The following ASCL5 variants were observed in gnomAD, a reference collection of about 807,000 sequenced individuals.
ASCL5 encodes achaete-scute family bHLH transcription factor 5, also known as achaete-scute homolog 5.
For synonymous variants in ASCL5, 124 were observed against 131.5 expected (o/e 0.94, Z 0.39); for missense variants, 262 against 268.9 (o/e 0.97, Z 0.18).
At position 201,115,319 on chromosome 1, in the gene ASCL5, G is replaced by T; in HGVS notation, c.54C>A (p.Pro18=). ...GCATGACGCCCAGCTGCATGCAGCTGGGGGGCCCCAGAGGCCTCCGGTCCA... is the reference window on the plus strand; with the variant it reads ...GCATGACGCCCAGCTGCATGCAGCTTGGGGGCCCCAGAGGCCTCCGGTCCA... ...ALVDRRPLGP[P]SCMQLGVMPP... is the part of the protein sequence containing the mutation. Residue 18 remains proline (P), a synonymous_variant, in exon 2 of 2, where the codon CCC becomes CCA. Transcript: ENST00000449188. 8.1e-7 allele frequency: 1 copy of T among 1,230,792 alleles called. No homozygotes were observed. The highest frequency in any genetic ancestry group is 1.0e-6 in the Non-Finnish European group (1 of 987,188). The allele number at this position is 1,230,792 out of a possible 1,614,324, so 76.2% of individuals were successfully genotyped here.
rs112065024 is a variant in ASCL5, at chr1:201,122,585, T to C, written c.-506+4499A>G. On this transcript the variant is annotated intron_variant, in intron 1 of 1. Transcript: ENST00000449188. ...ACACAGCCGATTGAATTTACCAGGGTCTCATTGGGTTGATATGAGGACTTT... is the reference window on the plus strand; with the variant it reads ...ACACAGCCGATTGAATTTACCAGGGCCTCATTGGGTTGATATGAGGACTTT... Among the ~76,000 whole-genome samples, 283 of 152,162 alleles carry C rather than the reference T, an allele frequency of 1.9e-3. 1 individual carries two copies. The highest frequency in any genetic ancestry group is 6.6e-3 in the African/African-American group (275 of 41,500).
In ASCL5 at chr1:201,115,285, G is replaced by A. The variant is rs1663316096; in HGVS notation, c.88C>T (p.Arg30Trp). Residue 30 changes from arginine to tryptophan, a missense_variant, in exon 2 of 2, where the codon CGG (arginine) becomes TGG (tryptophan). Coordinates refer to ENST00000449188, the MANE Select transcript of ASCL5 (RefSeq NM_001270601.2). ...TCGGCGGGGGGCAGGGGCGCCTGCC[G>A]GGGAGGGGGCATGACGCCCAGCTGC... The part of the protein sequence containing the change: ...CMQLGVMPPP[R>W]QAPLPPAEPL... 1 of 1,230,762 alleles carries A rather than the reference G, an allele frequency of 8.1e-7. No individual in the cohort carries two copies. The allele number at this position is 1,230,762 out of a possible 1,614,324, so 76.2% of individuals were successfully genotyped here.
At chr1:201,123,449 C>T (rs1663520237) in intron 1 of ASCL5, among the ~76,000 whole-genome samples, 1 of 152,218 alleles carries the variant, frequency 6.6e-6, no homozygotes, top group African/African-American at 2.4e-5. Flanking sequence ...ATGCCAGCCG[C>T]TGTTCTAAGT....
Position 201,114,842 on chromosome 1 carries a change from G to A in ASCL5, c.531C>T (p.Ala177=). The A allele has an allele frequency of 8.1e-7, 1 of 1,229,870 alleles. No individual in the cohort carries two copies. Among genetic ancestry groups the A allele is most frequent in the Non-Finnish European group, 1.0e-6 (1 of 986,760 alleles). 76.2% of individuals were successfully genotyped at this position (1,229,870 alleles called of 1,614,324 possible). A position where few individuals can be genotyped will look rare whatever the true frequency, so the allele number is the denominator to read the frequency against. The part of the protein sequence containing the change: ...PRPDRPGDGE[A]RAPSSLVPES... The stretch of plus-strand genomic sequence containing the variant: ...CCGGCACCAGGGAGGAGGGCGCCCG[G>A]GCCTCGCCGTCGCCAGGGCGGTCGG... The change falls in exon 2 of 2, where the codon GCC becomes GCT. Residue 177 remains alanine, a synonymous_variant. Transcript: ENST00000449188.
rs115619033 is a variant in ASCL5 at position 201,123,189 on chromosome 1, C to T, written c.-506+3895G>A. On this transcript the variant is annotated intron_variant, in intron 1 of 1. Coordinates refer to ENST00000449188, the MANE Select transcript of ASCL5 (RefSeq NM_001270601.2). Reference sequence around the variant, plus strand: ...AGGAAAATTCTATGCATTAAATGTCCGATTTTTCCCCTCCAATCTTTGAAT... The same window carrying T: ...AGGAAAATTCTATGCATTAAATGTCTGATTTTTCCCCTCCAATCTTTGAAT... 4.5e-3 allele frequency among the ~76,000 whole-genome samples: 692 copies of T among 152,214 alleles called. 5 individuals carry two copies. The highest frequency in any genetic ancestry group is 0.017 in the Middle Eastern group (5 of 294).
intron 1 of ASCL5, among the ~76,000 whole-genome samples, chr1:201,122,763 G>T (rs1663509315): frequency 6.6e-6 from 1 of 152,170 alleles, no homozygotes; most frequent in Non-Finnish European, 1.5e-5. Flanking sequence ...GATGTTCCCA[G>T]AGGCAACCAC....
chr1:201,125,921 T>A (rs1448887030), intron 1 of ASCL5, among the ~76,000 whole-genome samples: 1 of 152,194 alleles, frequency 6.6e-6, no homozygotes, highest in Non-Finnish European at 1.5e-5. Context: ...TGCAGAGGTC[T>A]GAGCCTGAAA....
chr1:201,123,865 C>T (rs549772885), intron 1 of ASCL5, among the ~76,000 whole-genome samples: 47 of 152,258 alleles, frequency 3.1e-4, no homozygotes, highest in South Asian at 1.9e-3. Context: ...CTTTGCCTTT[C>T]GGGGAGTAGA....
intron 1 of ASCL5, among the ~76,000 whole-genome samples, chr1:201,125,101 C>G (rs1663555534): frequency 6.6e-6 from 1 of 152,252 alleles, no homozygotes; most frequent in Non-Finnish European, 1.5e-5. Context: ...GGCTTTGCCA[C>G]TTCCCAGCTA....
intron 1 of ASCL5, among the ~76,000 whole-genome samples, chr1:201,121,539 G>A (rs544169042): frequency 1.1e-4 from 17 of 152,260 alleles, no homozygotes; most frequent in African/African-American, 3.8e-4. Flanking sequence ...ATAATTAGCA[G>A]TGTCGATTTA....
At chr1:201,118,621 T>C (rs1401628029) in intron 1 of ASCL5, among the ~76,000 whole-genome samples, 2 of 152,198 alleles carry the variant, frequency 1.3e-5, no homozygotes, top group African/African-American at 2.4e-5. Context: ...ATATGACCAT[T>C]AAGCGGCGTG....
chr1:201,124,281 G>T (rs117583725), intron 1 of ASCL5, among the ~76,000 whole-genome samples: 1 of 152,172 alleles, frequency 6.6e-6, no homozygotes, highest in African/African-American at 2.4e-5. Context: ...GGGTTCACAG[G>T]CTAGGAAGCT....
rs935363240 is a variant in ASCL5, at chr1:201,114,799, A to C, written c.574T>G (p.Cys192Gly). The C allele has an allele frequency of 3.3e-6, 4 of 1,216,602 alleles. No individual in the cohort carries two copies. The African/African-American group carries it at 6.3e-5, about 19-fold the overall frequency. 75.4% of individuals were successfully genotyped at this position (1,216,602 alleles called of 1,614,324 possible). The change falls in exon 2 of 2, where the codon TGC becomes GGC. Residue 192 changes from cysteine (C) to glycine (G), a missense_variant. Physicochemically the swap from Cys to Gly is radical, Grantham distance 159 (BLOSUM62 -3). Transcript: ENST00000449188. ...SLVPESSESS[C>G]FSPSPFLESE... ...TCCAAGAAAGGCGACGGGGAGAAGC[A>C]GGAGGACTCGGATGACTCCGGCACC...
rs57062668 is a variant in ASCL5 at position 201,114,758 on chromosome 1, C to G, written c.615G>C (p.Trp205Cys). ...PSPFLESEES[W>C]H ...GGGGCGGCCACAGGCCCGATCAATG[C>G]CAGGATTCCTCCGACTCCAAGAAAG... The change falls in exon 2 of 2, where the codon TGG becomes TGC. Residue 205 changes from tryptophan (W) to cysteine (C), a missense_variant. Transcript: ENST00000449188. 165,613 of 1,230,914 alleles carry G rather than the reference C, an allele frequency of 0.13. 11,264 individuals are homozygous for G. The highest frequency in any genetic ancestry group is 0.16 in the Middle Eastern group (512 of 3,204). The allele number at this position is 1,230,914 out of a possible 1,614,324, so 76.2% of individuals were successfully genotyped here.
intron 1 of ASCL5, among the ~76,000 whole-genome samples, chr1:201,125,718 G>A (rs1025419207): frequency 2.5e-4 from 38 of 152,108 alleles, no homozygotes; most frequent in Admixed American, 1.2e-3. Context: ...TGTATCCTGC[G>A]GGCCCAGCCC....
intron 1 of ASCL5, among the ~76,000 whole-genome samples, chr1:201,123,143 C>T (rs565380926): frequency 8.5e-5 from 13 of 152,192 alleles, no homozygotes; most frequent in Non-Finnish European, 1.8e-4. Flanking sequence ...TTCCCACAGT[C>T]ACATCTGTCC....
intron 1 of ASCL5, among the ~76,000 whole-genome samples, chr1:201,119,112 G>C (rs1023679557): frequency 2.6e-5 from 4 of 152,204 alleles, no homozygotes; most frequent in Non-Finnish European, 4.4e-5. Context: ...GGGATGTCCC[G>C]CTGAAGATTC....
intron 1 of ASCL5, among the ~76,000 whole-genome samples, chr1:201,121,013 T>G (rs1038281980): frequency 1.3e-5 from 2 of 152,182 alleles, no homozygotes; most frequent in Admixed American, 6.5e-5. Flanking sequence ...CCTCACTCAT[T>G]CCCCTGCCTC....
chr1:201,118,293 A>C lies in ASCL5; in HGVS notation c.-505-2416T>G, dbSNP rs536247800. On this transcript the variant is annotated intron_variant, in intron 1 of 1. Coordinates refer to ENST00000449188, the MANE Select transcript of ASCL5 (RefSeq NM_001270601.2). ...CCAGGAGTTTGAGACCAGCCTGAGCAACATGGCAAAACCCTGTCTCTACAA... is the reference window on the plus strand; with the variant it reads ...CCAGGAGTTTGAGACCAGCCTGAGCCACATGGCAAAACCCTGTCTCTACAA... Among the ~76,000 whole-genome samples, 26 of 152,300 alleles carry C rather than the reference A, an allele frequency of 1.7e-4. No individual in the cohort carries two copies. In the East Asian group the frequency reaches 4.4e-3, roughly 26 times the overall value.
Sources: gnomAD v4.1 joint callset for allele counts (sites outside exome capture counted in the v4.1 genomes callset) on GRCh38, gnomAD v4.1.1 for gene constraint, MANE v1.5 for transcripts, NCBI Gene and HGNC (gene_info 2026-07-23, HGNC 2026-07-21) for gene names.